The following NDUFA8 variants were observed in gnomAD, a reference collection of about 807,000 sequenced individuals.
The protein encoded by NDUFA8 is NADH:ubiquinone oxidoreductase subunit A8.
NDUFA8 carries 16 observed loss-of-function variants against 20.9 expected under a neutral mutation model. That is an observed-to-expected ratio of 0.77 (90% CI 0.52 to 1.16). The LOEUF is 1.16. Ranked by LOEUF, NDUFA8 falls within the 50% of genes most tolerant of loss-of-function variation. The pLI is 0.00. For missense variants in NDUFA8, 202 were observed against 216.4 expected, an observed-to-expected ratio of 0.93 and a Z score of 0.42; for synonymous variants, 70 against 76.1, an observed-to-expected ratio of 0.92 and a Z score of 0.41.
rs777731159 is a variant in NDUFA8, at chr9:122,148,101, A to AG, written c.381+10dup. 2 of 1,613,988 alleles carry AG rather than the reference A, an allele frequency of 1.2e-6. No individual in the cohort carries two copies. Among genetic ancestry groups the AG allele is most frequent in the Non-Finnish European group, 1.7e-6 (2 of 1,180,024 alleles). On this transcript the variant is annotated intron_variant, in intron 3 of 3. Transcript: ENST00000373768. ...ATCAGAAAGTGAGACCTCCAGCAGA[A>AG]GCCTTTTTACCTTTGACAGTTCTCC...
the NDUFA8 span, among the ~76,000 whole-genome samples, chr9:122,133,647 GCA>G: frequency 6.6e-6 from 1 of 152,168 alleles, no homozygotes; most frequent in Non-Finnish European, 1.5e-5. Flanking sequence ...GAATGGACTG[GCA>G]GAGAGGAGAG....
intron 2 of NDUFA8, among the ~76,000 whole-genome samples, chr9:122,151,025 G>A (rs896515826): frequency 1.7e-4 from 25 of 146,900 alleles, no homozygotes; most frequent in African/African-American, 5.8e-4. Flanking sequence ...TAGCAACTTC[G>A]AAGAGTGTTT....
downstream of NDUFA8, among the ~76,000 whole-genome samples, chr9:122,142,513 C>T (rs1237575833): frequency 6.6e-6 from 1 of 152,186 alleles, no homozygotes; most frequent in Non-Finnish European, 1.5e-5. Flanking sequence ...GCACTCAAAG[C>T]TGAGAACCAC....
chr9:122,150,410 C>CAAAAAAA (rs60728190), intron 2 of NDUFA8, among the ~76,000 whole-genome samples: 16 of 19,654 alleles, frequency 8.1e-4, no homozygotes, highest in East Asian at 3.0e-3. Context: ...CACCCCATCA[C>CAAAAAAA]AAAAAAAAAA....
At chr9:122,156,097 T>C (rs1003084570) in intron 1 of NDUFA8, among the ~76,000 whole-genome samples, 4 of 152,232 alleles carry the variant, frequency 2.6e-5, no homozygotes, top group African/African-American at 7.2e-5. Flanking sequence ...GCCTGAGATG[T>C]CACCATATCC....
At position 122,159,713 on chromosome 9, in the gene NDUFA8, A is replaced by C. The variant is rs549553981; in HGVS notation, c.-36T>G. 2.5e-6 allele frequency: 4 copies of C among 1,613,878 alleles called. No individual in the cohort carries two copies. The East Asian group carries it at 8.9e-5, about 36-fold the overall frequency. ...GCCCCGACCCCGACGAGAAGCCCTC[A>C]GCCGCGTCGCCCCCGTCTCCTTGAA... On this transcript the variant is annotated 5_prime_UTR_variant, in exon 1 of 4. An upstream open reading frame in the 5' UTR loses its in-frame stop. Coordinates refer to ENST00000373768, the MANE Select transcript of NDUFA8 (RefSeq NM_014222.3).
chr9:122,152,914 G>A (rs372287980), intron 1 of NDUFA8, among the ~76,000 whole-genome samples: 1 of 152,170 alleles, frequency 6.6e-6, no homozygotes, highest in South Asian at 2.1e-4. Flanking sequence ...CTGGGATGCA[G>A]GGAGAGGAAC....
chr9:122,146,315 G>C (rs747117347), intron 3 of NDUFA8, among the ~76,000 whole-genome samples: 4 of 152,080 alleles, frequency 2.6e-5, no homozygotes, highest in Non-Finnish European at 5.9e-5. Context: ...TTATCTCACA[G>C]AGTTTTAAAA....
At chr9:122,159,560 G>T (rs1829146760) in intron 1 of NDUFA8, 67 bp downstream of exon 1, 1 of 1,597,552 alleles carries the variant, frequency 6.3e-7, no homozygotes, top group Non-Finnish European at 8.6e-7. Flanking sequence ...AGCCCAAGGG[G>T]GGCTAGGCCC....
downstream of NDUFA8, among the ~76,000 whole-genome samples, chr9:122,143,152 A>G (rs1324049340): frequency 6.6e-6 from 1 of 152,184 alleles, no homozygotes; most frequent in Non-Finnish European, 1.5e-5. Flanking sequence ...GGTGCCTCAC[A>G]GCAATCTCCC....
chr9:122,151,785 GT>G (rs4147664), intron 2 of NDUFA8, among the ~76,000 whole-genome samples: 7 of 146,042 alleles, frequency 4.8e-5, no homozygotes, highest in East Asian at 4.0e-4. Flanking sequence ...ACACAGCTTA[GT>G]TTTTTTTTAC....
At chr9:122,145,303 GGA>G (rs1368702985) in intron 3 of NDUFA8, among the ~76,000 whole-genome samples, 1 of 152,196 alleles carries the variant, frequency 6.6e-6, no homozygotes, top group African/African-American at 2.4e-5. Flanking sequence ...CAATAAGCCA[GGA>G]GAGTGGTGAA....
the NDUFA8 span, among the ~76,000 whole-genome samples, chr9:122,135,645 A>G: frequency 6.6e-6 from 1 of 152,230 alleles, no homozygotes; most frequent in African/African-American, 2.4e-5. Context: ...GTTGCAGTGT[A>G]GTGGCGTGAC....
intron 3 of NDUFA8, among the ~76,000 whole-genome samples, chr9:122,145,806 A>C (rs1399486973): frequency 6.6e-6 from 1 of 152,204 alleles, no homozygotes; most frequent in Non-Finnish European, 1.5e-5. Flanking sequence ...GTTCCTAATG[A>C]TCCACTAGTG....
At chr9:122,148,358 C>A in intron 2 of NDUFA8, 81 bp from the exon 3 acceptor site, 1 of 1,490,326 alleles carries the variant, frequency 6.7e-7, no homozygotes, top group Non-Finnish European at 9.4e-7. Flanking sequence ...AGGTACAGAT[C>A]TCAAATACAT....
At chr9:122,133,161 G>A in the NDUFA8 span, among the ~76,000 whole-genome samples, 1 of 152,270 alleles carries the variant, frequency 6.6e-6, no homozygotes, top group East Asian at 1.9e-4. Flanking sequence ...ATAAGTGGCC[G>A]AGCTGGGAAT....
chr9:122,152,510 A>T, intron 1 of NDUFA8, 102 bp from the exon 2 acceptor site: 1 of 1,077,670 alleles, frequency 9.3e-7, no homozygotes. Context: ...CAAAAGTAGC[A>T]CTGTTCTGAC....
chr9:122,151,252 T>C (rs1170189467), intron 2 of NDUFA8, among the ~76,000 whole-genome samples: 1 of 152,206 alleles, frequency 6.6e-6, no homozygotes, highest in Non-Finnish European at 1.5e-5. Context: ...CGTAACATCC[T>C]TCTAATTTTC....
downstream of NDUFA8, among the ~76,000 whole-genome samples, chr9:122,139,988 C>T (rs1364572631): frequency 3.3e-5 from 5 of 152,226 alleles, no homozygotes; most frequent in Admixed American, 6.5e-5. Flanking sequence ...CCACCGCGCC[C>T]GGCCCCAGAC....
Sources: allele counts gnomAD v4.1 joint callset (sites outside exome capture counted in the v4.1 genomes callset), GRCh38; gene constraint gnomAD v4.1.1; transcripts MANE v1.5; gene names NCBI Gene and HGNC (gene_info 2026-07-23, HGNC 2026-07-21).